SMG7: variants seen among roughly 807,000 people sequenced by gnomAD.
The protein encoded by SMG7 is SMG7 nonsense mediated mRNA decay factor.
SMG7 carries 34 observed loss-of-function variants against 148.2 expected under a neutral mutation model. That is an observed-to-expected ratio of 0.23 (90% confidence interval 0.17 to 0.31). The LOEUF (loss-of-function observed/expected upper bound fraction) is 0.31, where lower values mean the gene tolerates loss of function less well. Ranked by LOEUF, SMG7 falls within the 10% of genes least tolerant of loss-of-function variation. The probability of loss-of-function intolerance (pLI) is 1.00; values close to 1 mark genes in which losing one functional copy is unlikely to be tolerated. For missense variants in SMG7, 1,114 were observed against 1,408.4 expected (o/e 0.79, Z 3.35); for synonymous variants, 492 against 515.1 (o/e 0.96, Z 0.61).
intron 11 of SMG7, among the ~76,000 whole-genome samples, chr1:183,537,633 T>C (rs1017221954): frequency 4.6e-5 from 7 of 152,236 alleles, no homozygotes; most frequent in African/African-American, 1.2e-4. Flanking sequence ...TCTTCGGGCC[T>C]TTTTCTTACG....
rs183084419 is a variant in SMG7, at chr1:183,499,241, T to C, written c.30-13596T>C. ...GATATGATATTCATGTGCAGGTTTT[T>C]GTGTAGACATCAGTTTTCAGCTCAA... On this transcript the variant is annotated intron_variant, in intron 1 of 22. Transcript: ENST00000688051. Among the ~76,000 whole-genome samples, 6 of 152,344 alleles carry C rather than the reference T, an allele frequency of 3.9e-5. No homozygotes were observed. The East Asian group carries it at 1.2e-3, about 29-fold the overall frequency.
At position 183,508,082 on chromosome 1, in the gene SMG7, G is replaced by A. The variant is rs77480346; in HGVS notation, c.30-4755G>A. ...CATGTTGCCATACCCTCTACCAAGA[G>A]AAAACATTTTAAAGTTCTTGCCTCT... On this transcript the variant is annotated intron_variant, in intron 1 of 22. Coordinates refer to ENST00000688051, the MANE Select transcript of SMG7 (RefSeq NM_001375584.1). 818 of 758,730 alleles carry A rather than the reference G, an allele frequency of 1.1e-3. 4 individuals carry two copies. In the African/African-American group the frequency reaches 0.014, roughly 13 times the overall value. 47.0% of individuals were successfully genotyped at this position (758,730 alleles called of 1,614,324 possible). A position where few individuals can be genotyped will look rare whatever the true frequency, so the allele number is the denominator to read the frequency against.
chr1:183,544,910 T>C lies in SMG7; in HGVS notation c.1988-20T>C, dbSNP rs1382950606. 4.4e-6 allele frequency: 7 copies of C among 1,596,940 alleles called. No individual in the cohort carries two copies. The highest frequency in any genetic ancestry group is 5.1e-6 in the Non-Finnish European group (6 of 1,170,452). Reference sequence around the variant, plus strand: ...TTTGCTGTTTCCTTAAAACTAAAGCTGTGTTCTTCTGTTTTGAAGGGTTTC... The same window carrying C: ...TTTGCTGTTTCCTTAAAACTAAAGCCGTGTTCTTCTGTTTTGAAGGGTTTC... On this transcript the variant is annotated intron_variant, in intron 15 of 22. Transcript: ENST00000688051.
chr1:183,524,063 T>C (rs1665327082), intron 4 of SMG7, among the ~76,000 whole-genome samples: 1 of 151,850 alleles, frequency 6.6e-6, no homozygotes, highest in Non-Finnish European at 1.5e-5. Context: ...CCTGTTTTTT[T>C]ATGTATTCAT....
Position 183,550,608 on chromosome 1 carries a change from T to G in SMG7, c.3134-143T>G, listed in dbSNP as rs546279144. On this transcript the variant is annotated intron_variant, in intron 20 of 22. Coordinates refer to ENST00000688051, the MANE Select transcript of SMG7 (RefSeq NM_001375584.1). The stretch of plus-strand genomic sequence containing the variant: ...AATTAGTGCATCTAGCAGATCTCTT[T>G]GGAGCCTTTAGTTTCCCTTTCCTTC... The G allele has an allele frequency of 1.4e-3, 1,115 of 783,194 alleles. 2 individuals carry two copies. The highest frequency in any genetic ancestry group is 2.0e-3 in the Non-Finnish European group (975 of 484,504). 48.5% of individuals were successfully genotyped at this position (783,194 alleles called of 1,614,324 possible).
chr1:183,527,900 A>G lies in SMG7; in HGVS notation c.485-56A>G. Reference sequence around the variant, plus strand: ...ACTTAAAACTATAGCTGTTTTGGAAATACTACCCTACTGTTTGTTTTTTGG... The same window carrying G: ...ACTTAAAACTATAGCTGTTTTGGAAGTACTACCCTACTGTTTGTTTTTTGG... On this transcript the variant is annotated intron_variant, in intron 5 of 22. Transcript: ENST00000688051. The surrounding 1 kb of genome is among the most constrained non-coding windows in gnomAD (Gnocchi z 4.0). 8.1e-7 allele frequency: 1 copy of G among 1,237,670 alleles called. No homozygotes were observed. Among genetic ancestry groups the G allele is most frequent in the South Asian group, 1.2e-5 (1 of 80,220 alleles). 76.7% of individuals were successfully genotyped at this position (1,237,670 alleles called of 1,614,324 possible).
At chr1:183,537,013 C>T (rs894532708) in intron 10 of SMG7, 132 bp from the exon 11 acceptor site, 1 of 596,916 alleles carries the variant, frequency 1.7e-6, no homozygotes, top group Non-Finnish European at 3.0e-6. Flanking sequence ...AAAAATTATA[C>T]AGCCTTTGAA....
chr1:183,528,549 A>T (rs1472039956), intron 6 of SMG7, among the ~76,000 whole-genome samples: 1 of 152,164 alleles, frequency 6.6e-6, no homozygotes, highest in Non-Finnish European at 1.5e-5. Context: ...GTCTGACCAC[A>T]CTACTTGTTT....
In SMG7 at chr1:183,549,300, A is replaced by G; in HGVS notation, c.2973+12A>G. The G allele has an allele frequency of 6.3e-7, 1 of 1,583,466 alleles. No individual in the cohort carries two copies. The highest frequency in any genetic ancestry group is 8.7e-7 in the Non-Finnish European group (1 of 1,152,178). ...TCTCTCTCAATCAGGTAGGTGAACAATGAAGAATCCTGCTGTGTGCTTTTA... is the reference window on the plus strand; with the variant it reads ...TCTCTCTCAATCAGGTAGGTGAACAGTGAAGAATCCTGCTGTGTGCTTTTA... On this transcript the variant is annotated intron_variant, in intron 19 of 22. Coordinates refer to ENST00000688051, the MANE Select transcript of SMG7 (RefSeq NM_001375584.1).
intron 10 of SMG7, 88 bp from the exon 11 acceptor site, chr1:183,537,057 G>A: frequency 1.1e-6 from 1 of 887,748 alleles, no homozygotes. Context: ...ATAAAGTCCA[G>A]GACCTATAGA....
chr1:183,537,049 A>AT, intron 10 of SMG7, 96 bp from the exon 11 acceptor site: 1 of 783,976 alleles, frequency 1.3e-6, no homozygotes, highest in Non-Finnish European at 2.2e-6. Flanking sequence ...AAAAATACAT[A>AT]AAGTCCAGGA....
At chr1:183,542,955 G>A (rs1392341515) in intron 14 of SMG7, among the ~76,000 whole-genome samples, 1 of 116,480 alleles carries the variant, frequency 8.6e-6, no homozygotes, top group Admixed American at 9.4e-5. Context: ...GTGTGTGTGT[G>A]TGTGTGTGTG....
At chr1:183,547,362 A>AG in intron 18 of SMG7, 110 bp downstream of exon 18, 1 of 1,036,360 alleles carries the variant, frequency 9.6e-7, no homozygotes, top group Admixed American at 3.2e-5. Flanking sequence ...TGTCCTTTTC[A>AG]GAACTGTAAA....
intron 4 of SMG7, among the ~76,000 whole-genome samples, chr1:183,525,713 A>T (rs1665702643): frequency 6.6e-6 from 1 of 152,132 alleles, no homozygotes; most frequent in African/African-American, 2.4e-5. Flanking sequence ...TAGGCAGAAG[A>T]GTTAGCTCTG....
intron 1 of SMG7, among the ~76,000 whole-genome samples, chr1:183,494,380 T>C (rs1475921287): frequency 6.6e-6 from 1 of 151,264 alleles, no homozygotes; most frequent in African/African-American, 2.4e-5. Context: ...TTTTTTTTTC[T>C]TAAAACAATA....
At chr1:183,489,978 T>C (rs1288927813) in intron 1 of SMG7, among the ~76,000 whole-genome samples, 1 of 152,224 alleles carries the variant, frequency 6.6e-6, no homozygotes, top group Non-Finnish European at 1.5e-5. Flanking sequence ...CACAAATTTT[T>C]GAGCCCCATC....
rs1671247762 is a variant in SMG7 at position 183,552,679 on chromosome 1, G to A, written c.*748G>A. On this transcript the variant is annotated 3_prime_UTR_variant, in exon 23 of 23. Coordinates refer to ENST00000688051, the MANE Select transcript of SMG7 (RefSeq NM_001375584.1). The stretch of plus-strand genomic sequence containing the variant: ...CCCAATCGAGGATACAGTGTGGGTG[G>A]TGGTGCTGGGCTGGACTAGCAGGTA... 8.5e-7 allele frequency: 1 copy of A among 1,180,798 alleles called. No individual in the cohort carries two copies. Among genetic ancestry groups the A allele is most frequent in the African/African-American group, 1.6e-5 (1 of 63,526 alleles). The allele number at this position is 1,180,798 out of a possible 1,614,324, so 73.1% of individuals were successfully genotyped here.
At chr1:183,530,160 G>C (rs943497386) in intron 8 of SMG7, among the ~76,000 whole-genome samples, 4 of 151,670 alleles carry the variant, frequency 2.6e-5, no homozygotes, top group African/African-American at 7.3e-5. Context: ...ACTACTCATC[G>C]GTCATTGTTT....
At chr1:183,506,479 T>C (rs1042441969) in intron 1 of SMG7, among the ~76,000 whole-genome samples, 1 of 152,212 alleles carries the variant, frequency 6.6e-6, no homozygotes, top group Non-Finnish European at 1.5e-5. Flanking sequence ...TATACGCATG[T>C]GCACATTAAG....
Sources: allele counts gnomAD v4.1 joint callset (sites outside exome capture counted in the v4.1 genomes callset), GRCh38; gene constraint gnomAD v4.1.1; non-coding constraint Gnocchi (gnomAD v3.1); transcripts MANE v1.5; gene names NCBI Gene and HGNC (gene_info 2026-07-23, HGNC 2026-07-21).